Variants in PILRA observed in about 807,000 individuals in gnomAD.
PILRA encodes paired immunoglobulin-like type 2 receptor alpha.
In PILRA, 37 loss-of-function variants were observed where a neutral mutation model predicts 33.1. That is an observed-to-expected ratio of 1.12 (90% confidence interval 0.86 to 1.47). The LOEUF is 1.47. Ranked by LOEUF, PILRA falls within the 40% of genes most tolerant of loss-of-function variation. The pLI, the probability that PILRA is intolerant of heterozygous loss-of-function variation, is 0.00. For missense variants in PILRA, 312 were observed against 376.2 expected, an observed-to-expected ratio of 0.83 and a Z score of 1.41; for synonymous variants, 146 against 149.9, an observed-to-expected ratio of 0.97 and a Z score of 0.19.
At chr7:100,382,577 CAGACCAATCGGCTCTCTGTAAAAT>C (rs1302456917) in intron 2 of PILRA, among the ~76,000 whole-genome samples, 6 of 151,862 alleles carry the variant, frequency 4.0e-5, no homozygotes, top group Middle Eastern at 3.4e-3. Context: ...CTCTGTAAAA[CAGACCAATCGGCTCTCTGTAAAAT>C]AGACCAATCA....
chr7:100,382,912 A>G (rs1791150064), intron 2 of PILRA, among the ~76,000 whole-genome samples: 1 of 152,214 alleles, frequency 6.6e-6, no homozygotes, highest in Non-Finnish European at 1.5e-5. Flanking sequence ...GCCGCCTTTA[A>G]GAATTGTTAA....
intron 3 of PILRA, among the ~76,000 whole-genome samples, chr7:100,397,013 A>C (rs1179798648): frequency 2.0e-5 from 3 of 151,878 alleles, no homozygotes; most frequent in Non-Finnish European, 2.9e-5. Context: ...AAGTAAAATA[A>C]AACATAACCT....
intron 2 of PILRA, among the ~76,000 whole-genome samples, chr7:100,380,185 C>A (rs1421241426): frequency 1.3e-5 from 2 of 152,174 alleles, no homozygotes; most frequent in Admixed American, 6.5e-5. Context: ...GTCCTCATAC[C>A]GAATCCCCCA....
At chr7:100,371,305 G>A (rs1790806871), upstream of PILRA, among the ~76,000 whole-genome samples, 1 of 152,150 alleles carries the variant, frequency 6.6e-6, no homozygotes, top group Non-Finnish European at 1.5e-5. Context: ...AGCAAGTCTT[G>A]AAGTCAGGTA....
rs566702187 is a variant in PILRA at position 100,380,092 on chromosome 7, A to G, written c.454+5659A>G. Among the ~76,000 whole-genome samples the G allele has an allele frequency of 1.5e-3, 225 of 152,312 alleles. 1 individual carries two copies. The highest frequency in any genetic ancestry group is 6.8e-3 in the Middle Eastern group (2 of 294). Reference sequence around the variant, plus strand: ...ATTCCCCTACCCTAGCCCAAAGACGAGAGGTTTGCTTTCCAGAATAGATGA... The same window carrying G: ...ATTCCCCTACCCTAGCCCAAAGACGGGAGGTTTGCTTTCCAGAATAGATGA... On this transcript the variant is annotated intron_variant, in intron 2 of 6. Transcript: ENST00000198536.
At chr7:100,393,497 T>C (rs946591875) in intron 3 of PILRA, among the ~76,000 whole-genome samples, 1 of 152,134 alleles carries the variant, frequency 6.6e-6, no homozygotes, top group African/African-American at 2.4e-5. Flanking sequence ...CATGGCTGCA[T>C]TTTTCCCCAG....
rs1015000860 is a variant in PILRA at position 100,399,882 on chromosome 7, C to T, written c.887C>T (p.Thr296Ile). ...CCCCTCAAGAGCCCCCAGAACGAGA[C>T]CCTGTACTCTGTCTTAAAGGCCTAA... is the stretch of plus-strand genomic sequence containing the variant. ...HRPLKSPQNE[T>I]LYSVLKA is the part of the protein sequence containing the mutation. The change falls in exon 7 of 7, where the codon ACC becomes ATC. Residue 296 changes from threonine (T) to isoleucine (I), a missense_variant. Thr to Ile is a moderately conservative substitution (Grantham distance 89). Transcript: ENST00000198536. 1.2e-6 allele frequency: 2 copies of T among 1,612,474 alleles called. No individual in the cohort carries two copies. The highest frequency in any genetic ancestry group is 8.5e-7 in the Non-Finnish European group (1 of 1,179,286).
intron 2 of PILRA, among the ~76,000 whole-genome samples, chr7:100,385,538 C>T (rs189125728): frequency 8.5e-4 from 130 of 152,340 alleles, no homozygotes; most frequent in Non-Finnish European, 1.6e-3. Context: ...AAACCACATA[C>T]TATGCTGCTC....
At chr7:100,398,768 C>A (rs533901593) in intron 4 of PILRA, among the ~76,000 whole-genome samples, 1 of 152,264 alleles carries the variant, frequency 6.6e-6, no homozygotes, top group Non-Finnish European at 1.5e-5. Context: ...AAGAACCCAA[C>A]TCACTGAGCA....
At chr7:100,392,450 A>G (rs1791407114) in intron 3 of PILRA, among the ~76,000 whole-genome samples, 1 of 152,106 alleles carries the variant, frequency 6.6e-6, no homozygotes, top group African/African-American at 2.4e-5. Flanking sequence ...GGGCAAAGGG[A>G]GTGAAGATAG....
chr7:100,399,624 G>C lies in PILRA; in HGVS notation c.789+12G>C, dbSNP rs1204085061. 6.2e-7 allele frequency: 1 copy of C among 1,614,076 alleles called. No individual in the cohort carries two copies. Among genetic ancestry groups the C allele is most frequent in the East Asian group, 2.2e-5 (1 of 44,890 alleles). ...AGCTAAATCCCAAGGTAAGCAATCA[G>C]ACCAGGGCCTGAAGGAATTAAAGAG... is the stretch of plus-strand genomic sequence containing the variant. On this transcript the variant is annotated intron_variant, in intron 6 of 6. Coordinates refer to ENST00000198536, the MANE Select transcript of PILRA (RefSeq NM_013439.3).
chr7:100,374,493 G>A (rs1408903652), intron 2 of PILRA, 60 bp downstream of exon 2: 17 of 1,601,266 alleles, frequency 1.1e-5, no homozygotes, highest in Non-Finnish European at 1.4e-5. Context: ...TATGATCACT[G>A]GTGACATCGT....
upstream of PILRA, among the ~76,000 whole-genome samples, chr7:100,372,347 A>T (rs1461245434): frequency 6.6e-6 from 1 of 152,094 alleles, no homozygotes; most frequent in Non-Finnish European, 1.5e-5. Flanking sequence ...AGAGGAGCCT[A>T]CTAGGACCAG....
At chr7:100,375,896 T>C (rs954019787) in intron 2 of PILRA, among the ~76,000 whole-genome samples, 1 of 152,246 alleles carries the variant, frequency 6.6e-6, no homozygotes, top group African/African-American at 2.4e-5. Flanking sequence ...CTAATAGATC[T>C]TCTGTTTTAT....
intron 2 of PILRA, among the ~76,000 whole-genome samples, chr7:100,375,920 CGG>C (rs1282681785): frequency 1.3e-5 from 2 of 152,154 alleles, no homozygotes; most frequent in Non-Finnish European, 2.9e-5. Context: ...GAAAGGGCGT[CGG>C]GGAAATTTGA....
chr7:100,386,238 C>G (rs909168503), intron 2 of PILRA, among the ~76,000 whole-genome samples: 4 of 152,176 alleles, frequency 2.6e-5, no homozygotes, highest in African/African-American at 9.7e-5. Context: ...AGCTGCTCTT[C>G]GCAGAGCAGG....
intron 2 of PILRA, among the ~76,000 whole-genome samples, chr7:100,382,096 C>T (rs1270150349): frequency 6.6e-6 from 1 of 152,018 alleles, no homozygotes; most frequent in African/African-American, 2.4e-5. Context: ...TCCCATCGAC[C>T]GCCCAAGGGC....
intron 2 of PILRA, among the ~76,000 whole-genome samples, chr7:100,386,457 T>C (rs1404904225): frequency 6.6e-6 from 1 of 151,942 alleles, no homozygotes; most frequent in Non-Finnish European, 1.5e-5. Flanking sequence ...TGAGCCGAGA[T>C]TGTACCACTG....
At position 100,399,595 on chromosome 7, in the gene PILRA, C is replaced by G; in HGVS notation, c.772C>G (p.Pro258Ala). The G allele has an allele frequency of 1.2e-6, 2 of 1,614,068 alleles. No homozygotes were observed. The highest frequency in any genetic ancestry group is 8.5e-7 in the Non-Finnish European group (1 of 1,180,002). The change falls in exon 6 of 7, where the codon CCC becomes GCC. Residue 258 changes from proline to alanine, a missense_variant. By Grantham distance (27) the Pro-to-Ala change is conservative (BLOSUM62 -1). Coordinates refer to ENST00000198536, the MANE Select transcript of PILRA (RefSeq NM_013439.3). ...NIRNEGQNTD[P>A]KLNPKDDGIV... is the part of the protein sequence containing the mutation. ...TTTATTCTTAGGACAAAATACAGAT[C>G]CCAAGCTAAATCCCAAGGTAAGCAA...
Sources: allele counts gnomAD v4.1 joint callset (sites outside exome capture counted in the v4.1 genomes callset), GRCh38; gene constraint gnomAD v4.1.1; transcripts MANE v1.5; gene names NCBI Gene and HGNC (gene_info 2026-07-23, HGNC 2026-07-21).